The following ARHGEF10L variants were observed in gnomAD, a reference collection of about 807,000 sequenced individuals.
The protein encoded by ARHGEF10L is Rho guanine nucleotide exchange factor 10 like, also known as rho guanine nucleotide exchange factor 10-like protein.
In ARHGEF10L, 69 loss-of-function variants were observed where a neutral mutation model predicts 141.2. That is an observed-to-expected ratio of 0.49 (90% CI 0.40 to 0.60). The LOEUF is 0.60. Ranked by LOEUF, ARHGEF10L falls within the 20% of genes least tolerant of loss-of-function variation. The probability of loss-of-function intolerance (pLI) is 0.00; values close to 1 mark genes in which losing one functional copy is unlikely to be tolerated. For missense variants in ARHGEF10L, 1,482 were observed against 1,734.3 expected, an observed-to-expected ratio of 0.85 and a Z score of 2.58; for synonymous variants, 711 against 718.5, an observed-to-expected ratio of 0.99 and a Z score of 0.17.
chr1:17,639,753 C>A lies in ARHGEF10L; in HGVS notation c.2172-449C>A. The A allele has an allele frequency of 2.2e-6, 2 of 910,066 alleles. No homozygotes were observed. The highest frequency in any genetic ancestry group is 2.7e-5 in the South Asian group (2 of 73,270). The allele number at this position is 910,066 out of a possible 1,614,324, so 56.4% of individuals were successfully genotyped here. A position where few individuals can be genotyped will look rare whatever the true frequency, so the allele number is the denominator to read the frequency against. ...ATTTCTTCATTCATTCCTGTGTCCA[C>A]TCAGCAAACATTTACTGAGCAACTG... On this transcript the variant is annotated intron_variant, in intron 20 of 28. Coordinates refer to ENST00000361221, the MANE Select transcript of ARHGEF10L (RefSeq NM_018125.4). The surrounding 1 kb of genome is among the most constrained non-coding windows in gnomAD (Gnocchi z 4.3).
In ARHGEF10L at chr1:17,619,290, G is replaced by A. The variant is rs1296294046; in HGVS notation, c.836-49G>A. On this transcript the variant is annotated intron_variant, in intron 9 of 28. Coordinates refer to ENST00000361221, the MANE Select transcript of ARHGEF10L (RefSeq NM_018125.4). The surrounding 1 kb of genome is among the most constrained non-coding windows in gnomAD (Gnocchi z 5.0). The stretch of plus-strand genomic sequence containing the variant: ...TCTCAGCTCCTGAGGCCTGAGCAGG[G>A]TGTGCTGTCCCTGCCTTAGCTGTGT... 2 of 1,556,736 alleles carry A rather than the reference G, an allele frequency of 1.3e-6. No homozygotes were observed. Among genetic ancestry groups the A allele is most frequent in the Non-Finnish European group, 8.8e-7 (1 of 1,134,336 alleles).
At chr1:17,535,021 AT>A (rs1483648942), upstream of ARHGEF10L, among the ~76,000 whole-genome samples, 4 of 152,118 alleles carry the variant, frequency 2.6e-5, no homozygotes, top group Non-Finnish European at 2.9e-5. Flanking sequence ...AACGCATTAC[AT>A]TTATTGTGCA....
intron 9 of ARHGEF10L, among the ~76,000 whole-genome samples, chr1:17,616,589 A>C (rs538315670): frequency 1.1e-4 from 17 of 152,330 alleles, no homozygotes; most frequent in Admixed American, 9.1e-4. Context: ...ACGGAATCCT[A>C]CTAAGCGCCA....
At chr1:17,551,346 G>A (rs916880640) in intron 1 of ARHGEF10L, among the ~76,000 whole-genome samples, 2 of 52,036 alleles carry the variant, frequency 3.8e-5, no homozygotes, top group South Asian at 1.5e-3. Flanking sequence ...TGCAGGTGGA[G>A]GGACTCCGAG....
At chr1:17,522,181 T>C in the ARHGEF10L span, among the ~76,000 whole-genome samples, 1 of 152,122 alleles carries the variant, frequency 6.6e-6, no homozygotes, top group African/African-American at 2.4e-5. Context: ...TGCGTCTGTT[T>C]CCTTATCAAC....
At position 17,697,041 on chromosome 1, in the gene ARHGEF10L, C is replaced by A. The variant is rs753428121; in HGVS notation, c.3501C>A (p.Arg1167=). The change falls in exon 29 of 29, where the codon CGC becomes CGA. Residue 1167 remains arginine (R), a synonymous_variant. Transcript: ENST00000361221. This position sits in a 1 kb window ranked among gnomAD's most constrained non-coding sequence, Gnocchi z 4.8. ...GCCACGTGGGCCGAGAGCTGACCCG[C>A]AAGAAGGGCATCCTCTTGCAGTACC... is the stretch of plus-strand genomic sequence containing the variant. ...PDSHVGRELT[R]KKGILLQYRL... is the part of the protein sequence containing the mutation. The A allele has an allele frequency of 6.2e-7, 1 of 1,604,154 alleles. No individual in the cohort carries two copies. Among genetic ancestry groups the A allele is most frequent in the African/African-American group, 1.3e-5 (1 of 74,924 alleles).
At chr1:17,610,125 A>G (rs765701877) in intron 7 of ARHGEF10L, among the ~76,000 whole-genome samples, 6 of 152,222 alleles carry the variant, frequency 3.9e-5, no homozygotes, top group Admixed American at 6.5e-5. Flanking sequence ...CAGGCTTTCC[A>G]GCGGTGGTCC....
chr1:17,534,884 G>A (rs1053109170), upstream of ARHGEF10L, among the ~76,000 whole-genome samples: 17 of 151,928 alleles, frequency 1.1e-4, no homozygotes, highest in African/African-American at 3.1e-4. Context: ...CCACCATGCC[G>A]GGCCACTTTC....
intron 1 of ARHGEF10L, among the ~76,000 whole-genome samples, chr1:17,580,171 C>T (rs78561969): frequency 0.039 from 5,990 of 152,240 alleles, 395 homozygotes; most frequent in African/African-American, 0.14. Context: ...AGTATCCAGC[C>T]CCATTTGTGA....
At position 17,607,527 on chromosome 1, in the gene ARHGEF10L, C is replaced by T. The variant is rs2081286350; in HGVS notation, c.434-275C>T. Among the ~76,000 whole-genome samples, 1 of 152,218 alleles carries T rather than the reference C, an allele frequency of 6.6e-6. No homozygotes were observed. Among genetic ancestry groups the T allele is most frequent in the African/African-American group, 2.4e-5 (1 of 41,460 alleles). ...AATGAGCGCTGAGACCATACAAAAG[C>T]AGTGCTGGGAGCAAAAGGAAGTGAG... On this transcript the variant is annotated intron_variant, in intron 6 of 28. Coordinates refer to ENST00000361221, the MANE Select transcript of ARHGEF10L (RefSeq NM_018125.4). The surrounding 1 kb of genome is among the most constrained non-coding windows in gnomAD (Gnocchi z 4.5).
intron 25 of ARHGEF10L, among the ~76,000 whole-genome samples, chr1:17,661,927 C>T (rs2062656736): frequency 6.6e-6 from 1 of 151,362 alleles, no homozygotes; most frequent in Admixed American, 6.6e-5. Context: ...GCAGGCCAGG[C>T]CCAGAGTCAG....
intron 26 of ARHGEF10L, among the ~76,000 whole-genome samples, chr1:17,665,267 G>T (rs1047343521): frequency 3.9e-5 from 6 of 152,224 alleles, no homozygotes; most frequent in Non-Finnish European, 8.8e-5. Flanking sequence ...CTCTCCCAGG[G>T]CGCTCCCTCA....
rs148863977 is a variant in ARHGEF10L at position 17,627,253 on chromosome 1, G to T, written c.1411-77G>T. On this transcript the variant is annotated intron_variant, in intron 14 of 28. Coordinates refer to ENST00000361221, the MANE Select transcript of ARHGEF10L (RefSeq NM_018125.4). This position sits in a 1 kb window ranked among gnomAD's most constrained non-coding sequence, Gnocchi z 4.0. ...AGACCCAGTGTGTGTAGGGGGTTGC[G>T]CAGGGTGAGGCTTTGCCCCAGGCTG... The T allele has an allele frequency of 0.015, 23,645 of 1,548,108 alleles. 236 individuals are homozygous for T. Among genetic ancestry groups the T allele is most frequent in the South Asian group, 0.028 (2,324 of 82,536 alleles).
chr1:17,594,157 C>G (rs183548083), intron 4 of ARHGEF10L, among the ~76,000 whole-genome samples: 129 of 151,854 alleles, frequency 8.5e-4, no homozygotes, highest in African/African-American at 2.9e-3. Flanking sequence ...CCTGAATGTA[C>G]CCAGCACTTC....
the ARHGEF10L span, among the ~76,000 whole-genome samples, chr1:17,523,115 T>C: frequency 7.0e-6 from 1 of 142,032 alleles, no homozygotes; most frequent in Admixed American, 7.4e-5. Context: ...AGATGGAGTC[T>C]AGCTCTGTTG....
chr1:17,579,112 C>T (rs2078357580), intron 1 of ARHGEF10L, among the ~76,000 whole-genome samples: 1 of 152,130 alleles, frequency 6.6e-6, no homozygotes, highest in Admixed American at 6.5e-5. Flanking sequence ...CCTCCGCCTC[C>T]CACGTTCAAG....
chr1:17,685,030 C>T (rs1231298043), intron 26 of ARHGEF10L, among the ~76,000 whole-genome samples: 3 of 152,170 alleles, frequency 2.0e-5, no homozygotes, highest in Non-Finnish European at 4.4e-5. Flanking sequence ...GAGACCCCCG[C>T]CCCTCACAAG....
the ARHGEF10L span, among the ~76,000 whole-genome samples, chr1:17,531,072 A>G: frequency 6.6e-6 from 1 of 152,224 alleles, no homozygotes; most frequent in East Asian, 1.9e-4. Context: ...AGTTCTTGCA[A>G]GAGTCAATGG....
At chr1:17,676,623 T>C (rs2063743045) in intron 26 of ARHGEF10L, among the ~76,000 whole-genome samples, 1 of 151,984 alleles carries the variant, frequency 6.6e-6, no homozygotes, top group Non-Finnish European at 1.5e-5. Context: ...TTGACTGCTA[T>C]GAGGCAGACG....
Sources: allele counts gnomAD v4.1 joint callset (sites outside exome capture counted in the v4.1 genomes callset), GRCh38; gene constraint gnomAD v4.1.1; non-coding constraint Gnocchi (gnomAD v3.1); transcripts MANE v1.5; gene names NCBI Gene and HGNC (gene_info 2026-07-23, HGNC 2026-07-21).